DGKD: variants seen among roughly 807,000 people sequenced by gnomAD.
DGKD encodes DAG kinase delta.
In DGKD, 68 loss-of-function variants were observed where a neutral mutation model predicts 154.4. The ratio of observed to expected loss-of-function variants is 0.44; its 90% CI spans 0.36 to 0.54. DGKD has a LOEUF of 0.54. Among genes scored for constraint, DGKD ranks in the 20% least tolerant of loss-of-function variants. DGKD has a pLI of 0.00. For synonymous variants in DGKD, 693 were observed against 638.0 expected (o/e 1.09, Z -1.30); for missense variants, 1,343 against 1,593.6 (o/e 0.84, Z 2.68).
intron 19 of DGKD, among the ~76,000 whole-genome samples, chr2:233,456,331 C>T (rs569361998): frequency 2.6e-5 from 4 of 152,252 alleles, no homozygotes; most frequent in African/African-American, 9.6e-5. Context: ...AGCGTGTGGC[C>T]ACAGAAGGAA....
intron 3 of DGKD, among the ~76,000 whole-genome samples, chr2:233,426,643 A>G (rs1386454979): frequency 6.6e-6 from 1 of 152,164 alleles, no homozygotes; most frequent in Non-Finnish European, 1.5e-5. Context: ...CTCCCAATGT[A>G]TGAGTATACT....
chr2:233,389,595 A>G (rs1703445658), intron 2 of DGKD, among the ~76,000 whole-genome samples: 1 of 152,070 alleles, frequency 6.6e-6, no homozygotes, highest in Non-Finnish European at 1.5e-5. Context: ...AAAACACGAC[A>G]AAATAACCTT....
chr2:233,463,033 G>A (rs1477625837), intron 26 of DGKD, among the ~76,000 whole-genome samples: 5 of 152,192 alleles, frequency 3.3e-5, no homozygotes, highest in African/African-American at 1.2e-4. Context: ...CCTGCCGAGA[G>A]CTGGCCACAC....
chr2:233,426,438 C>A (rs2062301273), intron 3 of DGKD, among the ~76,000 whole-genome samples: 1 of 152,196 alleles, frequency 6.6e-6, no homozygotes, highest in Non-Finnish European at 1.5e-5. Flanking sequence ...GAGAACACTG[C>A]AGCCCCCGGA....
Position 233,460,356 on chromosome 2 carries a change from A to T in DGKD, c.2981+11A>T. 6.2e-7 allele frequency: 1 copy of T among 1,613,484 alleles called. No homozygotes were observed. Among genetic ancestry groups the T allele is most frequent in the Non-Finnish European group, 8.5e-7 (1 of 1,179,794 alleles). On this transcript the variant is annotated intron_variant, in intron 24 of 29. Transcript: ENST00000264057. ...GGTCCTCATTCACAGGTGGGCTCCT[A>T]CCCCTCTGCGTTGCGCATGAGCCTC...
In DGKD at chr2:233,434,990, A is replaced by G; in HGVS notation, c.586+89A>G. 9 of 1,531,592 alleles carry G rather than the reference A, an allele frequency of 5.9e-6. No individual in the cohort carries two copies. In the South Asian group the frequency reaches 1.0e-4, roughly 17 times the overall value. The allele number at this position is 1,531,592 out of a possible 1,614,324, so 94.9% of individuals were successfully genotyped here. The stretch of plus-strand genomic sequence containing the variant: ...TGGAAATCCAAACCCAGTCACCATA[A>G]ATAAGCCGTTGTCACCCATGTGGTC... On this transcript the variant is annotated intron_variant, in intron 5 of 29. Transcript: ENST00000264057.
At chr2:233,420,872 G>A (rs2062091559) in intron 3 of DGKD, among the ~76,000 whole-genome samples, 1 of 152,136 alleles carries the variant, frequency 6.6e-6, no homozygotes, top group Non-Finnish European at 1.5e-5. Flanking sequence ...GATTCCCTGT[G>A]ATCAGTAGTG....
chr2:233,413,338 C>T (rs371289388), intron 3 of DGKD, among the ~76,000 whole-genome samples: 1 of 151,636 alleles, frequency 6.6e-6, no homozygotes, highest in African/African-American at 2.4e-5. Flanking sequence ...CTAGAGTTTA[C>T]CAGTGAAATG....
rs780782188 is a variant in DGKD, at chr2:233,388,380, G to A, written c.267+13G>A. On this transcript the variant is annotated intron_variant, in intron 2 of 29. Coordinates refer to ENST00000264057, the MANE Select transcript of DGKD (RefSeq NM_152879.3). The stretch of plus-strand genomic sequence containing the variant: ...CAAAACGGCAAAGGTGAGGCCCCAT[G>A]CAGGAAAGCACACGCGAGGACATCA... 35 of 1,609,204 alleles carry A rather than the reference G, an allele frequency of 2.2e-5. No individual in the cohort carries two copies. The African/African-American group carries it at 2.7e-4, about 12-fold the overall frequency.
At chr2:233,468,871 C>T (rs953668636) in intron 29 of DGKD, among the ~76,000 whole-genome samples, 1 of 152,238 alleles carries the variant, frequency 6.6e-6, no homozygotes, top group Admixed American at 6.5e-5. Context: ...ACGACTGTCC[C>T]CATGCTGCTC....
chr2:233,380,917 G>C (rs1702868096), intron 1 of DGKD, among the ~76,000 whole-genome samples: 1 of 152,088 alleles, frequency 6.6e-6, no homozygotes, highest in Admixed American at 6.6e-5. Context: ...TAGGAGCTTT[G>C]GGACATGGTC....
In DGKD at chr2:233,449,535, T is replaced by C. The variant is rs1278020318; in HGVS notation, c.1888+159T>C. On this transcript the variant is annotated intron_variant, in intron 15 of 29. Coordinates refer to ENST00000264057, the MANE Select transcript of DGKD (RefSeq NM_152879.3). This position sits in a 1 kb window ranked among gnomAD's most constrained non-coding sequence, Gnocchi z 5.3. ...GGCACCAGACCCCCAACGAGTTCGC[T>C]TGCCCTCCTTCCACCCCTCCTCTCA... is the stretch of plus-strand genomic sequence containing the variant. Among the ~76,000 whole-genome samples the C allele has an allele frequency of 1.3e-5, 2 of 152,138 alleles. No homozygotes were observed. The highest frequency in any genetic ancestry group is 2.9e-5 in the Non-Finnish European group (2 of 68,018).
chr2:233,379,522 AACACTGTGGCTCCCTGCCCCCTCCC>A (rs1262720388), intron 1 of DGKD, among the ~76,000 whole-genome samples: 3 of 152,070 alleles, frequency 2.0e-5, no homozygotes, highest in African/African-American at 7.2e-5. Flanking sequence ...GGGAGTTTTT[AACACTGTGGCTCCCTGCCCCCTCCC>A]ACACTGATGC....
At chr2:233,399,485 G>A (rs935516488) in intron 3 of DGKD, among the ~76,000 whole-genome samples, 2 of 152,176 alleles carry the variant, frequency 1.3e-5, no homozygotes, top group Non-Finnish European at 2.9e-5. Flanking sequence ...GAACTGATGT[G>A]GGTTGCTTCT....
intron 1 of DGKD, among the ~76,000 whole-genome samples, chr2:233,367,077 G>A (rs1396558675): frequency 1.3e-5 from 2 of 152,032 alleles, no homozygotes; most frequent in Non-Finnish European, 2.9e-5. Flanking sequence ...TGGGAACCAG[G>A]TACCCATCAA....
Position 233,387,198 on chromosome 2 carries a change from C to T in DGKD, c.157-1059C>T, listed in dbSNP as rs117653943. ...TTAAGTGTTTGTGGATACTTAAGAA[C>T]TTTGTACATGCACTGTTTGAAACAT... On this transcript the variant is annotated intron_variant, in intron 1 of 29. Coordinates refer to ENST00000264057, the MANE Select transcript of DGKD (RefSeq NM_152879.3). Among the ~76,000 whole-genome samples, 34 of 152,320 alleles carry T rather than the reference C, an allele frequency of 2.2e-4. 2 individuals carry two copies. In the East Asian group the frequency reaches 6.6e-3, roughly 29 times the overall value.
chr2:233,448,205 A>G (rs1409439054), intron 13 of DGKD, 24 bp downstream of exon 13: 1 of 1,613,988 alleles, frequency 6.2e-7, no homozygotes, highest in Admixed American at 1.7e-5. Context: ...GGCCCTGGGG[A>G]GGGCATGGTG....
intron 3 of DGKD, among the ~76,000 whole-genome samples, chr2:233,394,686 ATTCCCTTTTTTTTT>A: frequency 1.2e-5 from 1 of 86,810 alleles, no homozygotes; most frequent in South Asian, 3.8e-4. Flanking sequence ...TTTGAATTTA[ATTCCCTTTTTTTTT>A]TTTTTTTTTT....
intron 3 of DGKD, among the ~76,000 whole-genome samples, chr2:233,422,952 C>T (rs1166227230): frequency 6.6e-6 from 1 of 152,182 alleles, no homozygotes; most frequent in East Asian, 1.9e-4. Context: ...GGCAAACACT[C>T]ATCTGGTCTC....
Sources: gnomAD v4.1 joint callset for allele counts (sites outside exome capture counted in the v4.1 genomes callset) on GRCh38, gnomAD v4.1.1 for gene constraint, Gnocchi (gnomAD v3.1) non-coding constraint, MANE v1.5 for transcripts, NCBI Gene and HGNC (gene_info 2026-07-23, HGNC 2026-07-21) for gene names.